The following KCNIP4 variants were observed in gnomAD, a reference collection of about 807,000 sequenced individuals.
KCNIP4 encodes the protein potassium voltage-gated channel interacting protein 4.
Under a neutral mutation model 34.0 loss-of-function variants are expected in KCNIP4, and 12 were observed. The observed-to-expected ratio is 0.35, with a 90% CI of 0.23 to 0.57. The LOEUF (loss-of-function observed/expected upper bound fraction) is 0.57, where lower values mean the gene tolerates loss of function less well. Ranked by LOEUF, KCNIP4 falls within the 20% of genes least tolerant of loss-of-function variation. The probability of loss-of-function intolerance (pLI) is 0.83; values close to 1 mark genes in which losing one functional copy is unlikely to be tolerated. For missense variants in KCNIP4, 238 were observed against 311.7 expected (o/e 0.76, Z 1.78); for synonymous variants, 124 against 102.2 (o/e 1.21, Z -1.29).
At chr4:21,723,787 T>C (rs1714996965) in intron 1 of KCNIP4, among the ~76,000 whole-genome samples, 1 of 152,114 alleles carries the variant, frequency 6.6e-6, no homozygotes, top group Non-Finnish European at 1.5e-5. Context: ...AGGGATTATC[T>C]GGTTGTGATC....
At chr4:21,705,582 G>A (rs1713202999) in intron 1 of KCNIP4, among the ~76,000 whole-genome samples, 1 of 152,168 alleles carries the variant, frequency 6.6e-6, no homozygotes, top group South Asian at 2.1e-4. Flanking sequence ...AATGGGGAAC[G>A]GGGAAAGAAA....
intron 1 of KCNIP4, among the ~76,000 whole-genome samples, chr4:21,756,648 G>A (rs552584326): frequency 3.3e-5 from 5 of 151,746 alleles, no homozygotes; most frequent in African/African-American, 1.2e-4. Flanking sequence ...TATTAGCTTA[G>A]TAACTATGTA....
At chr4:21,500,233 T>C (rs1007493403) in intron 1 of KCNIP4, among the ~76,000 whole-genome samples, 1 of 152,128 alleles carries the variant, frequency 6.6e-6, no homozygotes, top group Non-Finnish European at 1.5e-5. Flanking sequence ...ATCTCGAAAA[T>C]GCATGTTTTT....
chr4:21,056,357 A>T (rs896854892), intron 1 of KCNIP4, among the ~76,000 whole-genome samples: 2 of 151,942 alleles, frequency 1.3e-5, no homozygotes, highest in Non-Finnish European at 2.9e-5. Context: ...CTACTTCCTT[A>T]CTCTACCAGT....
intron 1 of KCNIP4, among the ~76,000 whole-genome samples, chr4:21,166,353 A>G (rs1401422693): frequency 1.3e-5 from 2 of 152,196 alleles, no homozygotes; most frequent in Non-Finnish European, 2.9e-5. Context: ...AAATTCAACC[A>G]TAATGAGATA....
intron 1 of KCNIP4, among the ~76,000 whole-genome samples, chr4:21,440,308 C>T (rs1435081244): frequency 1.3e-5 from 2 of 152,198 alleles, no homozygotes; most frequent in South Asian, 2.1e-4. Context: ...ATAACCTTCT[C>T]TTAGGTAACC....
chr4:21,397,377 C>T (rs916217300), intron 1 of KCNIP4, among the ~76,000 whole-genome samples: 5 of 152,084 alleles, frequency 3.3e-5, no homozygotes, highest in African/African-American at 1.2e-4. Flanking sequence ...TGAATAATAT[C>T]ATCACATTTA....
At chr4:21,806,219 G>A (rs1320332397) in intron 1 of KCNIP4, among the ~76,000 whole-genome samples, 1 of 152,088 alleles carries the variant, frequency 6.6e-6, no homozygotes, top group Non-Finnish European at 1.5e-5. Flanking sequence ...AGTTAAGGTG[G>A]GACAATAAAA....
intron 1 of KCNIP4, among the ~76,000 whole-genome samples, chr4:21,542,387 A>C (rs1217474714): frequency 6.6e-6 from 1 of 150,980 alleles, no homozygotes; most frequent in East Asian, 2.0e-4. Context: ...ACTTGAAAAA[A>C]TAACTCAAAT....
At chr4:20,749,283 C>CCCCA (rs1485993882) in intron 5 of KCNIP4, among the ~76,000 whole-genome samples, 3 of 152,104 alleles carry the variant, frequency 2.0e-5, no homozygotes, top group African/African-American at 7.2e-5. Context: ...TGCCTGTGTG[C>CCCCA]CCCACTTACT....
chr4:21,365,525 A>ATAAAT (rs61043336), intron 1 of KCNIP4, among the ~76,000 whole-genome samples: 5 of 27,810 alleles, frequency 1.8e-4, no homozygotes, highest in African/African-American at 1.1e-3. Flanking sequence ...AAATAAATAA[A>ATAAAT]AAATAAAGAA....
At chr4:21,788,106 T>C (rs1187809800) in intron 1 of KCNIP4, among the ~76,000 whole-genome samples, 3 of 152,154 alleles carry the variant, frequency 2.0e-5, no homozygotes, top group South Asian at 2.1e-4. Flanking sequence ...CAGAAGACAT[T>C]CACTCTTTTG....
chr4:21,240,031 A>G, intron 1 of KCNIP4, among the ~76,000 whole-genome samples: 1 of 152,024 alleles, frequency 6.6e-6, no homozygotes, highest in Non-Finnish European at 1.5e-5. Flanking sequence ...ACACCATGGA[A>G]TACTATGCAG....
At chr4:20,902,225 A>T (rs1454771331) in intron 1 of KCNIP4, among the ~76,000 whole-genome samples, 1 of 152,148 alleles carries the variant, frequency 6.6e-6, no homozygotes, top group Non-Finnish European at 1.5e-5. Flanking sequence ...ATTCTTCTTA[A>T]AATCTGTGGA....
chr4:21,506,874 C>T (rs1485345506), intron 1 of KCNIP4, among the ~76,000 whole-genome samples: 4 of 151,958 alleles, frequency 2.6e-5, no homozygotes, highest in African/African-American at 9.7e-5. Flanking sequence ...TCACTGCAGC[C>T]TCAAACTCCT....
At chr4:21,038,125 G>A (rs776962293) in intron 1 of KCNIP4, among the ~76,000 whole-genome samples, 35 of 152,098 alleles carry the variant, frequency 2.3e-4, no homozygotes, top group Non-Finnish European at 5.0e-4. Context: ...TTACAGGCAT[G>A]TGCCACCACG....
intron 1 of KCNIP4, among the ~76,000 whole-genome samples, chr4:21,515,913 T>C (rs115425051): frequency 0.033 from 5,026 of 152,156 alleles, 112 homozygotes; most frequent in Non-Finnish European, 0.05. Flanking sequence ...CTGTTCCTTA[T>C]ACATTACCCA....
At chr4:21,513,921 A>G (rs566802280) in intron 1 of KCNIP4, among the ~76,000 whole-genome samples, 2 of 152,304 alleles carry the variant, frequency 1.3e-5, no homozygotes, top group Admixed American at 1.3e-4. Context: ...TTGGTTTACT[A>G]ATAAGCCTAA....
intron 1 of KCNIP4, among the ~76,000 whole-genome samples, chr4:20,896,930 T>G (rs1726600953): frequency 6.6e-6 from 1 of 151,832 alleles, no homozygotes; most frequent in African/African-American, 2.4e-5. Flanking sequence ...TCATTAGTAC[T>G]GGTATTTTTT....
Sources: allele counts gnomAD v4.1 joint callset (sites outside exome capture counted in the v4.1 genomes callset), GRCh38; gene constraint gnomAD v4.1.1; transcripts MANE v1.5; gene names NCBI Gene and HGNC (gene_info 2026-07-23, HGNC 2026-07-21).